FGF12: variants seen among roughly 807,000 people sequenced by gnomAD.
The protein encoded by FGF12 is fibroblast growth factor 12B.
In FGF12, 14 loss-of-function variants were observed where a neutral mutation model predicts 23.6. The observed-to-expected ratio is 0.59, with a 90% confidence interval of 0.39 to 0.93. The LOEUF is 0.93. Among genes scored for constraint, FGF12 ranks in the 40% least tolerant of loss-of-function variants. FGF12 has a pLI of 0.00. For synonymous variants in FGF12, 62 were observed against 77.3 expected (o/e 0.80, Z 1.04); for missense variants, 175 against 217.8 (o/e 0.80, Z 1.24).
At chr3:192,502,361 T>A (rs1364959579) in intron 2 of FGF12, among the ~76,000 whole-genome samples, 1 of 152,226 alleles carries the variant, frequency 6.6e-6, no homozygotes, top group East Asian at 1.9e-4. Flanking sequence ...TCCTTGTTTA[T>A]CATTCTTAGA....
chr3:192,172,393 C>CG (rs139153022), intron 4 of FGF12, among the ~76,000 whole-genome samples: 5,475 of 149,324 alleles, frequency 0.037, 427 homozygotes, highest in African/African-American at 0.13. Context: ...TCTCAACCCC[C>CG]CCTTCAAAAA....
intron 2 of FGF12, among the ~76,000 whole-genome samples, chr3:192,639,691 C>CT (rs1434072694): frequency 2.0e-5 from 3 of 152,172 alleles, no homozygotes; most frequent in Non-Finnish European, 2.9e-5. Context: ...CATGTACAGG[C>CT]TTTTTTCTCA....
intron 3 of FGF12, among the ~76,000 whole-genome samples, chr3:192,351,188 C>A (rs1053922584): frequency 3.3e-5 from 5 of 151,896 alleles, no homozygotes; most frequent in African/African-American, 4.8e-5. Flanking sequence ...TGTAGGCTTG[C>A]AAAATTTCAG....
intron 4 of FGF12, among the ~76,000 whole-genome samples, chr3:192,304,976 A>G (rs1268300181): frequency 6.6e-6 from 1 of 152,172 alleles, no homozygotes; most frequent in East Asian, 1.9e-4. Flanking sequence ...GCTATTAAAG[A>G]AATACTCATA....
chr3:192,523,039 AAAAT>A (rs1229927196), intron 2 of FGF12, among the ~76,000 whole-genome samples: 3 of 152,366 alleles, frequency 2.0e-5, no homozygotes, highest in South Asian at 4.1e-4. Context: ...CATATTCTTC[AAAAT>A]AAATAACATA....
At chr3:192,162,749 T>A (rs1046136616) in intron 5 of FGF12, among the ~76,000 whole-genome samples, 1 of 152,154 alleles carries the variant, frequency 6.6e-6, no homozygotes, top group African/African-American at 2.4e-5. Flanking sequence ...AAATTTGGCA[T>A]TAGTGTCCAC....
intron 4 of FGF12, among the ~76,000 whole-genome samples, chr3:192,220,797 T>C (rs1718430452): frequency 6.6e-6 from 1 of 152,222 alleles, no homozygotes; most frequent in South Asian, 2.1e-4. Flanking sequence ...TTTTTAAAAG[T>C]TTCTTTGAAG....
intron 2 of FGF12, chr3:192,534,228 C>T (rs933695774): frequency 1.3e-5 from 2 of 152,156 alleles, no homozygotes; most frequent in African/African-American, 4.8e-5. Flanking sequence ...CTTTCCATTA[C>T]AGTTCAACAC....
intron 3 of FGF12, among the ~76,000 whole-genome samples, chr3:192,353,934 A>T (rs1321243242): frequency 6.6e-6 from 1 of 152,236 alleles, no homozygotes; most frequent in Non-Finnish European, 1.5e-5. Context: ...TGCCCTTGTG[A>T]TAAGAAATAG....
intron 2 of FGF12, among the ~76,000 whole-genome samples, chr3:192,666,705 A>G (rs1560187607): frequency 1.3e-5 from 2 of 152,110 alleles, no homozygotes; most frequent in Admixed American, 1.3e-4. Context: ...GCTCATCCAA[A>G]GTGCATATTC....
chr3:192,401,822 C>T (rs990465955), intron 2 of FGF12, among the ~76,000 whole-genome samples: 9 of 152,278 alleles, frequency 5.9e-5, no homozygotes, highest in South Asian at 2.1e-4. Flanking sequence ...TCAGAAGCAC[C>T]GAGCTCCCTC....
At chr3:192,377,906 A>G (rs1020392263) in intron 2 of FGF12, among the ~76,000 whole-genome samples, 1 of 152,228 alleles carries the variant, frequency 6.6e-6, no homozygotes, top group African/African-American at 2.4e-5. Flanking sequence ...CAGTGAGGAA[A>G]GCTGTTCTTA....
chr3:192,653,894 G>T (rs1424623471), intron 2 of FGF12, among the ~76,000 whole-genome samples: 1 of 151,774 alleles, frequency 6.6e-6, no homozygotes, highest in Non-Finnish European at 1.5e-5. Flanking sequence ...TTTGTGTATG[G>T]GTTTATTTTT....
chr3:192,685,492 T>C (rs1398809355), intron 2 of FGF12, among the ~76,000 whole-genome samples: 6 of 152,218 alleles, frequency 3.9e-5, no homozygotes, highest in Admixed American at 1.3e-4. Flanking sequence ...CCCCAGTTCC[T>C]GTTCTCCAAG....
At chr3:192,571,160 A>G (rs1712617020) in intron 2 of FGF12, among the ~76,000 whole-genome samples, 1 of 152,234 alleles carries the variant, frequency 6.6e-6, no homozygotes, top group Admixed American at 6.5e-5. Context: ...CTGTTAACAC[A>G]GTTAATGGAC....
intron 2 of FGF12, among the ~76,000 whole-genome samples, chr3:192,493,633 G>A (rs536056637): frequency 3.9e-5 from 6 of 152,224 alleles, no homozygotes; most frequent in African/African-American, 1.4e-4. Flanking sequence ...GGTTTCTGGG[G>A]AGGCCTCAGG....
At chr3:192,342,438 A>G (rs1254940953) in intron 3 of FGF12, among the ~76,000 whole-genome samples, 3 of 152,026 alleles carry the variant, frequency 2.0e-5, no homozygotes, top group Admixed American at 6.6e-5. Context: ...AATTAAGAGG[A>G]AGGAAAGAGT....
intron 2 of FGF12, among the ~76,000 whole-genome samples, chr3:192,589,993 T>C (rs945891348): frequency 2.0e-5 from 3 of 151,902 alleles, no homozygotes; most frequent in African/African-American, 7.2e-5. Context: ...TTGTTTTTAC[T>C]ACTACACAGA....
At chr3:192,652,944 T>C (rs146021780) in intron 2 of FGF12, among the ~76,000 whole-genome samples, 35 of 152,312 alleles carry the variant, frequency 2.3e-4, no homozygotes, top group African/African-American at 7.2e-4. Context: ...TTTTTAGGGC[T>C]ACTGAAAGGG....
Sources: allele counts gnomAD v4.1 joint callset (sites outside exome capture counted in the v4.1 genomes callset), GRCh38; gene constraint gnomAD v4.1.1; transcripts MANE v1.5; gene names NCBI Gene and HGNC (gene_info 2026-07-23, HGNC 2026-07-21).